The following DDX19A variants were observed in gnomAD, a reference collection of about 807,000 sequenced individuals.
DDX19A encodes ATP-dependent RNA helicase DDX19A.
In DDX19A, 12 loss-of-function variants were observed where a neutral mutation model predicts 60.6. That is an observed-to-expected ratio of 0.20 (90% CI 0.13 to 0.32). The LOEUF (loss-of-function observed/expected upper bound fraction) is 0.32. Ranked by LOEUF, DDX19A falls within the 10% of genes least tolerant of loss-of-function variation. DDX19A has a pLI of 1.00. For synonymous variants in DDX19A, 206 were observed against 218.2 expected (o/e 0.94, Z 0.49); for missense variants, 337 against 600.6 (o/e 0.56, Z 4.59).
Position 70,366,213 on chromosome 16 carries a change from G to A in DDX19A, c.733G>A (p.Val245Ile). ...GGTGTTTGTTCTGGATGAGGCTGATGTCATGATAGCCACTCAGGGCCACCA... is the reference window on the plus strand; with the variant it reads ...GGTGTTTGTTCTGGATGAGGCTGATATCATGATAGCCACTCAGGGCCACCA... Reference protein sequence around the residue: ...IKVFVLDEADVMIATQGHQDQ... With the variant: ...IKVFVLDEADIMIATQGHQDQ... The change falls in exon 8 of 12, where the codon GTC becomes ATC. Residue 245 changes from valine (V) to isoleucine (I), a missense_variant. This residue lies in a region of DDX19A where 117 missense variants were observed against 274.3 expected (regional missense o/e 0.43). Coordinates refer to ENST00000302243, the MANE Select transcript of DDX19A (RefSeq NM_018332.5). 1 of 1,614,130 alleles carries A rather than the reference G, an allele frequency of 6.2e-7. No homozygotes were observed. Among genetic ancestry groups the A allele is most frequent in the Non-Finnish European group, 8.5e-7 (1 of 1,180,032 alleles).
rs113552631 is a variant in DDX19A at position 70,358,476 on chromosome 16, CTT to C, written c.293+2245_293+2246del. On this transcript the variant is annotated intron_variant, in intron 4 of 11. Transcript: ENST00000302243. ...TGAGCCACTGCACCTGGCCCAATAA[CTT>C]TTTTTTTTTTTTTTTAATAGGATGA... Among the ~76,000 whole-genome samples the C allele has an allele frequency of 3.0e-3, 424 of 140,806 alleles. 3 individuals are homozygous for C. Among genetic ancestry groups the C allele is most frequent in the African/African-American group, 9.7e-3 (378 of 38,874 alleles). 92.4% of individuals were successfully genotyped at this position (140,806 alleles called of 152,430 possible).
chr16:70,370,117 A>G lies in DDX19A; in HGVS notation c.1021-106A>G, dbSNP rs1013006067. 3 of 1,430,198 alleles carry G rather than the reference A, an allele frequency of 2.1e-6. No individual in the cohort carries two copies. The East Asian group carries it at 7.5e-5, about 36-fold the overall frequency. 88.6% of individuals were successfully genotyped at this position (1,430,198 alleles called of 1,614,324 possible). ...GAAGCCAAGGCAGGATAATGACTTG[A>G]GCCCAGGACTTTTTAGATCACCCTG... On this transcript the variant is annotated intron_variant, in intron 9 of 11. Coordinates refer to ENST00000302243, the MANE Select transcript of DDX19A (RefSeq NM_018332.5).
At position 70,348,986 on chromosome 16, in the gene DDX19A, C is replaced by G. The variant is rs188470328; in HGVS notation, c.58-1571C>G. Among the ~76,000 whole-genome samples, 49 of 152,164 alleles carry G rather than the reference C, an allele frequency of 3.2e-4. 1 individual carries two copies. Among genetic ancestry groups the G allele is most frequent in the Middle Eastern group, 3.4e-3 (1 of 294 alleles). ...AATGGTGAGTTCAGGTTTGGCTGTTCTGAATTTAAAATAAGGAAACATCTT... is the reference window on the plus strand; with the variant it reads ...AATGGTGAGTTCAGGTTTGGCTGTTGTGAATTTAAAATAAGGAAACATCTT... On this transcript the variant is annotated intron_variant, in intron 1 of 11. Coordinates refer to ENST00000302243, the MANE Select transcript of DDX19A (RefSeq NM_018332.5).
chr16:70,368,199 A>G (rs1479537985), intron 9 of DDX19A, among the ~76,000 whole-genome samples: 1 of 152,182 alleles, frequency 6.6e-6, no homozygotes, highest in Admixed American at 6.6e-5. Context: ...ATACAATGCA[A>G]TGATACAGTG....
intron 1 of DDX19A, among the ~76,000 whole-genome samples, chr16:70,348,670 T>C (rs1056908420): frequency 2.1e-5 from 3 of 143,408 alleles, no homozygotes; most frequent in African/African-American, 7.8e-5. Flanking sequence ...CTGGGCACAG[T>C]GGCTCACACC....
At chr16:70,357,291 A>G (rs928991000) in intron 4 of DDX19A, among the ~76,000 whole-genome samples, 2 of 140,910 alleles carry the variant, frequency 1.4e-5, no homozygotes, top group Admixed American at 1.5e-4. Context: ...ATATATATGT[A>G]TATTTAGACT....
At position 70,350,544 on chromosome 16, in the gene DDX19A, T is replaced by C. The variant is rs1321214315; in HGVS notation, c.58-13T>C. The stretch of plus-strand genomic sequence containing the variant: ...TCCTTTGCTTAACTCTGTTTTCTTT[T>C]ATTTCTATTCAGATGACCAATTTGC... On this transcript the variant is annotated splice_polypyrimidine_tract_variant and intron_variant, in intron 1 of 11. Coordinates refer to ENST00000302243, the MANE Select transcript of DDX19A (RefSeq NM_018332.5). 2.5e-6 allele frequency: 4 copies of C among 1,605,680 alleles called. No individual in the cohort carries two copies. The highest frequency in any genetic ancestry group is 1.7e-5 in the Admixed American group (1 of 58,184).
intron 9 of DDX19A, among the ~76,000 whole-genome samples, chr16:70,369,437 C>T (rs1445248911): frequency 5.3e-5 from 8 of 151,826 alleles, no homozygotes; most frequent in Non-Finnish European, 1.0e-4. Flanking sequence ...CTCGGCCTCC[C>T]GAAGTGCTGG....
At position 70,348,408 on chromosome 16, in the gene DDX19A, T is replaced by G. The variant is rs571470249; in HGVS notation, c.57+1360T>G. 2.6e-5 allele frequency among the ~76,000 whole-genome samples: 4 copies of G among 151,954 alleles called. No homozygotes were observed. In the East Asian group the frequency reaches 5.8e-4, roughly 22 times the overall value. Reference sequence around the variant, plus strand: ...TGGGAGGCCGAGGCGGGCAGATCACTCGAGGTCAAGAGTTTGATACCAGCC... The same window carrying G: ...TGGGAGGCCGAGGCGGGCAGATCACGCGAGGTCAAGAGTTTGATACCAGCC... On this transcript the variant is annotated intron_variant, in intron 1 of 11. Transcript: ENST00000302243.
chr16:70,355,725 G>T, intron 3 of DDX19A, 190 bp downstream of exon 3: 1 of 604,962 alleles, frequency 1.7e-6, no homozygotes, highest in Non-Finnish European at 2.9e-6. Flanking sequence ...ACTTTGGGAG[G>T]CCGAGGTGGG....
chr16:70,360,321 C>CTTTT (rs1555552998), intron 4 of DDX19A, among the ~76,000 whole-genome samples: 5 of 133,484 alleles, frequency 3.7e-5, no homozygotes, highest in African/African-American at 5.5e-5. Flanking sequence ...TTCTTTCTTT[C>CTTTT]TTTTTTTTTT....
At chr16:70,366,003 C>G in intron 7 of DDX19A, 82 bp from the exon 8 acceptor site, 1 of 1,600,068 alleles carries the variant, frequency 6.2e-7, no homozygotes. Context: ...TTCTCCTAGT[C>G]CTAGAAGGAT....
chr16:70,370,649 A>T (rs983394931), intron 10 of DDX19A: 1 of 413,286 alleles, frequency 2.4e-6, no homozygotes, highest in African/African-American at 2.0e-5. Flanking sequence ...TGAGCCGAGA[A>T]TGTGCTATAG....
At chr16:70,354,106 C>G (rs557236853) in intron 2 of DDX19A, among the ~76,000 whole-genome samples, 1 of 151,114 alleles carries the variant, frequency 6.6e-6, no homozygotes, top group Admixed American at 6.6e-5. Context: ...TTTTCAAAGT[C>G]TTTTCCTTAG....
chr16:70,371,204 G>A (rs1418874748), intron 10 of DDX19A, 168 bp from the exon 11 acceptor site: 1 of 1,167,912 alleles, frequency 8.6e-7, no homozygotes. Context: ...CTTTTCCTCT[G>A]GGTTCTGTTG....
At chr16:70,355,848 G>A in intron 3 of DDX19A, 1 of 580,192 alleles carries the variant, frequency 1.7e-6, no homozygotes, top group Non-Finnish European at 3.0e-6. Context: ...TGTACTCCCA[G>A]CTACTTGGGA....
intron 5 of DDX19A, among the ~76,000 whole-genome samples, chr16:70,363,043 G>C (rs1010964780): frequency 1.3e-5 from 2 of 151,104 alleles, no homozygotes; most frequent in African/African-American, 4.9e-5. Context: ...GTAGAGACAG[G>C]GTATCACTAT....
rs2047294685 is a variant in DDX19A at position 70,372,659 on chromosome 16, G to A, written c.*673G>A. ...GAAAGTCTGAATCCTGACCCCTTGA[G>A]AGAGAGTGATCTGGCGAGGGCCGAT... On this transcript the variant is annotated 3_prime_UTR_variant, in exon 12 of 12. Coordinates refer to ENST00000302243, the MANE Select transcript of DDX19A (RefSeq NM_018332.5). 1 of 145,330 alleles carries A rather than the reference G, an allele frequency of 6.9e-6. No individual in the cohort carries two copies. Among genetic ancestry groups the A allele is most frequent in the Non-Finnish European group, 1.6e-5 (1 of 64,036 alleles). The allele number at this position is 145,330 out of a possible 1,614,324, so 9.0% of individuals were successfully genotyped here. A position where few individuals can be genotyped will look rare whatever the true frequency, so the allele number is the denominator to read the frequency against.
intron 4 of DDX19A, among the ~76,000 whole-genome samples, chr16:70,357,555 T>C (rs1489097628): frequency 6.6e-6 from 1 of 151,360 alleles, no homozygotes; most frequent in Non-Finnish European, 1.5e-5. Flanking sequence ...CCAGCTAATT[T>C]TTGTATTTTT....
Sources: gnomAD v4.1 joint callset for allele counts (sites outside exome capture counted in the v4.1 genomes callset) on GRCh38, gnomAD v4.1.1 for gene constraint, gnomAD v4.1.1 regional missense constraint, MANE v1.5 for transcripts, NCBI Gene and HGNC (gene_info 2026-07-23, HGNC 2026-07-21) for gene names.